LRP1B: variants seen among roughly 807,000 people sequenced by gnomAD.
LRP1B encodes the protein LDL receptor related protein 1B.
Under a neutral mutation model 556.6 loss-of-function variants are expected in LRP1B, and 217 were observed. The ratio of observed to expected loss-of-function variants is 0.39; its 90% CI spans 0.35 to 0.44. LRP1B has a LOEUF of 0.44. LRP1B is among the 20% of genes least tolerant of loss of function. The pLI, the probability that LRP1B is intolerant of heterozygous loss-of-function variation, is 1.00. For missense variants in LRP1B, 5,053 were observed against 5,620.8 expected (o/e 0.90, Z 3.23); for synonymous variants, 2,047 against 1,865.8 (o/e 1.10, Z -2.50).
At chr2:141,194,288 C>G (rs967516633) in intron 6 of LRP1B, among the ~76,000 whole-genome samples, 1 of 152,040 alleles carries the variant, frequency 6.6e-6, no homozygotes, top group African/African-American at 2.4e-5. Context: ...ATTGTCAGTA[C>G]TTGATTTCTT....
intron 43 of LRP1B, among the ~76,000 whole-genome samples, chr2:140,559,716 T>G: frequency 6.7e-6 from 1 of 148,414 alleles, no homozygotes; most frequent in African/African-American, 2.5e-5. Context: ...ATCTATGGAA[T>G]AAATAAAATA....
At chr2:140,592,189 A>C (rs1178366625) in intron 43 of LRP1B, among the ~76,000 whole-genome samples, 1 of 152,218 alleles carries the variant, frequency 6.6e-6, no homozygotes, top group Admixed American at 6.5e-5. Flanking sequence ...GATATAATAT[A>C]AAATTTTATT....
intron 1 of LRP1B, among the ~76,000 whole-genome samples, chr2:142,118,860 T>G (rs1347242644): frequency 6.6e-6 from 1 of 152,188 alleles, no homozygotes; most frequent in Non-Finnish European, 1.5e-5. Flanking sequence ...TTTGGTTCAG[T>G]CACTGTAAAA....
intron 16 of LRP1B, among the ~76,000 whole-genome samples, chr2:140,991,733 A>T (rs1414028121): frequency 6.6e-6 from 1 of 152,158 alleles, no homozygotes; most frequent in East Asian, 1.9e-4. Context: ...TTGAGAGTCA[A>T]AAAAAGATTT....
chr2:141,904,670 G>T (rs1408013046), intron 1 of LRP1B, among the ~76,000 whole-genome samples: 1 of 151,900 alleles, frequency 6.6e-6, no homozygotes, highest in Non-Finnish European at 1.5e-5. Context: ...CCTATGGAAA[G>T]AATGAAGCAA....
rs180902441 is a variant in LRP1B, at chr2:141,686,671, A to T, written c.205+123608T>A. Among the ~76,000 whole-genome samples the T allele has an allele frequency of 5.3e-5, 8 of 152,082 alleles. No homozygotes were observed. In the East Asian group the frequency reaches 1.6e-3, roughly 30 times the overall value. ...CATATATTCCCAATCTTATGGTTTG[A>T]AGGTCTCCTTCAAAACTCATGTTGA... On this transcript the variant is annotated intron_variant, in intron 2 of 90. Coordinates refer to ENST00000389484, the MANE Select transcript of LRP1B (RefSeq NM_018557.3).
chr2:141,081,770 G>C (rs1699928567), intron 7 of LRP1B, among the ~76,000 whole-genome samples: 1 of 152,256 alleles, frequency 6.6e-6, no homozygotes, highest in African/African-American at 2.4e-5. Context: ...ATGGAACTGA[G>C]CTGTCTCTAG....
intron 77 of LRP1B, among the ~76,000 whole-genome samples, chr2:140,346,062 A>T (rs935381813): frequency 2.0e-5 from 3 of 151,222 alleles, no homozygotes; most frequent in African/African-American, 4.8e-5. Context: ...GAGTTTATTT[A>T]ACTTTCTCTT....
chr2:140,953,151 C>T (rs1031002884), intron 18 of LRP1B, among the ~76,000 whole-genome samples: 6 of 152,104 alleles, frequency 3.9e-5, no homozygotes, highest in Admixed American at 6.6e-5. Context: ...AGTGCAGTGG[C>T]GAGATCCAGA....
rs78709732 is a variant in LRP1B, at chr2:141,874,904, T to C, written c.83-64503A>G. 6.2e-3 allele frequency among the ~76,000 whole-genome samples: 939 copies of C among 152,014 alleles called. 6 individuals carry two copies. Among genetic ancestry groups the C allele is most frequent in the African/African-American group, 0.02 (837 of 41,518 alleles). ...AACTTTATACATTTAACTGTGCACC[T>C]TTGCTCTTAAAGGCAAGTAAAAATT... is the stretch of plus-strand genomic sequence containing the variant. On this transcript the variant is annotated intron_variant, in intron 1 of 90. Coordinates refer to ENST00000389484, the MANE Select transcript of LRP1B (RefSeq NM_018557.3).
intron 3 of LRP1B, among the ~76,000 whole-genome samples, chr2:141,404,448 G>C (rs1338785227): frequency 6.6e-6 from 1 of 152,116 alleles, no homozygotes; most frequent in African/African-American, 2.4e-5. Flanking sequence ...AGAGGAAAAA[G>C]AATAATAACA....
At position 140,702,419 on chromosome 2, in the gene LRP1B, C is replaced by T. The variant is rs775809668; in HGVS notation, c.6150+8G>A. On this transcript the variant is annotated splice_region_variant and intron_variant, in intron 38 of 90. Transcript: ENST00000389484. ...GCACTTTAAATACTGAAAAGAAATC[C>T]AACAGACCTCATAGTCGATGGAGAT... is the stretch of plus-strand genomic sequence containing the variant. The T allele has an allele frequency of 4.3e-6, 7 of 1,612,852 alleles. No homozygotes were observed. Among genetic ancestry groups the T allele is most frequent in the Non-Finnish European group, 5.9e-6 (7 of 1,179,502 alleles).
intron 3 of LRP1B, among the ~76,000 whole-genome samples, chr2:141,433,738 G>A (rs1008467195): frequency 2.0e-5 from 3 of 151,824 alleles, no homozygotes; most frequent in East Asian, 1.9e-4. Context: ...ATGTCTGAGC[G>A]TGGTTCTCTT....
At chr2:141,865,911 ATGT>A (rs1698397991) in intron 1 of LRP1B, among the ~76,000 whole-genome samples, 2 of 152,328 alleles carry the variant, frequency 1.3e-5, no homozygotes, top group East Asian at 3.9e-4. Context: ...CCAACAAAAC[ATGT>A]TGTGTTCTTA....
At chr2:141,862,172 A>G (rs1698267861) in intron 1 of LRP1B, among the ~76,000 whole-genome samples, 2 of 152,140 alleles carry the variant, frequency 1.3e-5, no homozygotes, top group South Asian at 4.1e-4. Context: ...TTACCTTAAT[A>G]TGAGAATACA....
intron 1 of LRP1B, among the ~76,000 whole-genome samples, chr2:141,903,139 G>T (rs1699668630): frequency 1.4e-5 from 1 of 70,608 alleles, no homozygotes; most frequent in South Asian, 5.8e-4. Context: ...TTATAGTAAT[G>T]TCTAAATCTT....
chr2:140,562,261 T>C (rs537508007), intron 43 of LRP1B, among the ~76,000 whole-genome samples: 1 of 152,268 alleles, frequency 6.6e-6, no homozygotes, highest in Non-Finnish European at 1.5e-5. Flanking sequence ...TGACTGAATA[T>C]TTGATAAATT....
intron 37 of LRP1B, among the ~76,000 whole-genome samples, chr2:140,713,432 CT>C (rs1687105695): frequency 6.6e-6 from 1 of 151,762 alleles, no homozygotes; most frequent in Non-Finnish European, 1.5e-5. Flanking sequence ...GGAAAGAACC[CT>C]TTTGTCTAAT....
chr2:140,941,023 T>G (rs554353041), intron 20 of LRP1B, among the ~76,000 whole-genome samples: 1 of 152,202 alleles, frequency 6.6e-6, no homozygotes, highest in African/African-American at 2.4e-5. Context: ...TGATCAGTGA[T>G]GTCAACATTT....
Sources: gnomAD v4.1 joint callset for allele counts (sites outside exome capture counted in the v4.1 genomes callset) on GRCh38, gnomAD v4.1.1 for gene constraint, MANE v1.5 for transcripts, NCBI Gene and HGNC (gene_info 2026-07-23, HGNC 2026-07-21) for gene names.